The following ZNF93 variants were observed in gnomAD, a reference collection of about 807,000 sequenced individuals.
ZNF93 encodes zinc finger protein 505.
ZNF93 carries 29 observed loss-of-function variants against 45.0 expected under a neutral mutation model. The observed-to-expected ratio is 0.64, with a 90% CI of 0.48 to 0.88. The LOEUF is 0.88. Among genes scored for constraint, ZNF93 ranks in the 40% least tolerant of loss-of-function variants. The pLI is 0.00. For missense variants in ZNF93, 578 were observed against 724.0 expected, an observed-to-expected ratio of 0.80 and a Z score of 2.31; for synonymous variants, 223 against 244.6, an observed-to-expected ratio of 0.91 and a Z score of 0.82.
At chr19:19,930,991 T>G (rs1408670889) in intron 3 of ZNF93, among the ~76,000 whole-genome samples, 2 of 151,912 alleles carry the variant, frequency 1.3e-5, no homozygotes, top group Non-Finnish European at 2.9e-5. Flanking sequence ...CTTACTCAAT[T>G]GTGGTTGCTA....
At chr19:19,917,944 CT>C (rs779565529) in intron 3 of ZNF93, among the ~76,000 whole-genome samples, 13,433 of 147,320 alleles carry the variant, frequency 0.091, 1,491 homozygotes, top group African/African-American at 0.28. Context: ...TTCCTTCTTT[CT>C]TTTTTTTTCT....
intron 1 of ZNF93, among the ~76,000 whole-genome samples, chr19:19,908,019 A>G (rs1248028102): frequency 1.3e-5 from 2 of 152,200 alleles, no homozygotes; most frequent in Non-Finnish European, 1.5e-5. Context: ...TTTATATCTA[A>G]TATCCAAAGA....
In ZNF93 at chr19:19,934,485, A is replaced by G. The variant is rs1267040467; in HGVS notation, c.1530A>G (p.Lys510=). ...TTCATACTGGAGAGAAACCCTACAA[A>G]TGTGAAGAATGTGGCAAAGCTTTTA... ...KKIHTGEKPY[K]CEECGKAFNQ... is the part of the protein sequence containing the mutation. The change falls in exon 4 of 4, where the codon AAA becomes AAG. Residue 510 remains lysine (K), a synonymous_variant. Transcript: ENST00000343769. 6.2e-7 allele frequency: 1 copy of G among 1,612,612 alleles called. No individual in the cohort carries two copies. The highest frequency in any genetic ancestry group is 8.5e-7 in the Non-Finnish European group (1 of 1,179,832).
At chr19:19,909,282 A>G (rs1398902501) in intron 1 of ZNF93, 1 of 152,262 alleles carries the variant, frequency 6.6e-6, no homozygotes, top group Non-Finnish European at 1.5e-5. Context: ...GAAAGTAAAC[A>G]GGAGTGCTGT....
intron 3 of ZNF93, among the ~76,000 whole-genome samples, chr19:19,926,818 ATATC>A (rs2063357628): frequency 6.6e-6 from 1 of 152,184 alleles, no homozygotes; most frequent in Non-Finnish European, 1.5e-5. Context: ...GTATATGTGT[ATATC>A]TATAAATATG....
intron 3 of ZNF93, chr19:19,927,241 TTAA>T (rs1369165978): frequency 1.0e-5 from 4 of 398,132 alleles, no homozygotes; most frequent in Non-Finnish European, 1.3e-5. Context: ...TGAAAAAAAT[TTAA>T]TAATAGCCAG....
At chr19:19,927,727 G>T (rs1304582335) in intron 3 of ZNF93, among the ~76,000 whole-genome samples, 1 of 152,074 alleles carries the variant, frequency 6.6e-6, no homozygotes, top group Non-Finnish European at 1.5e-5. Context: ...AGACATCTAG[G>T]GTGCTTCAGC....
chr19:19,905,252 G>A (rs2063289248), intron 1 of ZNF93, among the ~76,000 whole-genome samples: 1 of 151,880 alleles, frequency 6.6e-6, no homozygotes, highest in Admixed American at 6.6e-5. Context: ...TACCCATGTG[G>A]GTTTGTTATA....
intron 1 of ZNF93, among the ~76,000 whole-genome samples, chr19:19,910,059 CAT>C (rs1278742042): frequency 1.3e-4 from 19 of 149,408 alleles, no homozygotes; most frequent in East Asian, 4.4e-4. Context: ...ATCAGAGTAA[CAT>C]GTGTGTGCTG....
At chr19:19,904,683 G>A (rs1175461352) in intron 1 of ZNF93, among the ~76,000 whole-genome samples, 2 of 149,054 alleles carry the variant, frequency 1.3e-5, no homozygotes, top group Admixed American at 1.3e-4. Flanking sequence ...TGGAGCCCTA[G>A]CCTGGAATAA....
intron 3 of ZNF93, among the ~76,000 whole-genome samples, chr19:19,920,675 G>A (rs1396854501): frequency 6.6e-6 from 1 of 152,168 alleles, no homozygotes; most frequent in Non-Finnish European, 1.5e-5. Context: ...AGTCTTGGGA[G>A]GGTGTATGTG....
intron 1 of ZNF93, among the ~76,000 whole-genome samples, chr19:19,906,001 T>C (rs1187591935): frequency 6.6e-6 from 1 of 152,236 alleles, no homozygotes; most frequent in Non-Finnish European, 1.5e-5. Flanking sequence ...TGTGTCTTTA[T>C]AATATAATAA....
rs761897771 is a variant in ZNF93 at position 19,934,385 on chromosome 19, G to A, written c.1430G>A (p.Gly477Glu). 2 of 1,613,710 alleles carry A rather than the reference G, an allele frequency of 1.2e-6. No individual in the cohort carries two copies. The highest frequency in any genetic ancestry group is 1.7e-5 in the Admixed American group (1 of 59,998). Residue 477 changes from glycine (G) to glutamate (E), a missense_variant, in exon 4 of 4, where the codon GGA becomes GAA. Coordinates refer to ENST00000343769, the MANE Select transcript of ZNF93 (RefSeq NM_031218.4). Reference sequence around the variant, plus strand: ...ACTAAACATAAGAAAATTCATACTGGAGAGAAACCCTACAAATGTGAAGAA... The same window carrying A: ...ACTAAACATAAGAAAATTCATACTGAAGAGAAACCCTACAAATGTGAAGAA... ...SLTKHKKIHT[G>E]EKPYKCEECG...
At position 19,934,039 on chromosome 19, in the gene ZNF93, A is replaced by T. The variant is rs1322789971; in HGVS notation, c.1084A>T (p.Ile362Phe). 6.2e-7 allele frequency: 1 copy of T among 1,613,484 alleles called. No individual in the cohort carries two copies. Among genetic ancestry groups the T allele is most frequent in the Non-Finnish European group, 8.5e-7 (1 of 1,179,712 alleles). The change falls in exon 4 of 4, where the codon ATT (isoleucine) becomes TTT (phenylalanine). Residue 362 changes from isoleucine (I) to phenylalanine (F), a missense_variant. Around this residue, in one of 3 missense-constraint regions of ZNF93, gnomAD observed 446 missense variants for 547.6 expected, o/e 0.81. Transcript: ENST00000343769. ...CTCAACCCTTAGTAGACATGAGTTC[A>T]TTCATATGGGAAAGAAACATTACAA... ...ASSTLSRHEF[I>F]HMGKKHYKCE...
At chr19:19,914,770 T>G (rs2063318643) in intron 1 of ZNF93, 1 of 390,460 alleles carries the variant, frequency 2.6e-6, no homozygotes, top group Non-Finnish European at 4.9e-6. Flanking sequence ...CTCTTCCACT[T>G]ACTGGATGTT....
chr19:19,922,690 A>G (rs2063345317), intron 3 of ZNF93, among the ~76,000 whole-genome samples: 1 of 151,972 alleles, frequency 6.6e-6, no homozygotes, highest in Admixed American at 6.6e-5. Context: ...CATTCATTTG[A>G]TCATCCATCA....
intron 3 of ZNF93, chr19:19,927,423 A>G: frequency 2.7e-6 from 1 of 377,338 alleles, no homozygotes; most frequent in East Asian, 3.9e-5. Flanking sequence ...ACTTCTAGAA[A>G]CTTAACATCT....
chr19:19,905,746 C>T (rs1426569714), intron 1 of ZNF93, among the ~76,000 whole-genome samples: 1 of 151,994 alleles, frequency 6.6e-6, no homozygotes, highest in African/African-American at 2.4e-5. Flanking sequence ...ATATGCATTA[C>T]CACACCTGGC....
chr19:19,911,838 C>T (rs1257994547), intron 1 of ZNF93, among the ~76,000 whole-genome samples: 5 of 151,996 alleles, frequency 3.3e-5, no homozygotes, highest in East Asian at 3.9e-4. Flanking sequence ...TAAACTCTGC[C>T]GCCCGGGTTC....
Sources: gnomAD v4.1 joint callset for allele counts (sites outside exome capture counted in the v4.1 genomes callset) on GRCh38, gnomAD v4.1.1 for gene constraint, gnomAD v4.1.1 regional missense constraint, MANE v1.5 for transcripts, NCBI Gene and HGNC (gene_info 2026-07-23, HGNC 2026-07-21) for gene names.